ESCO1: variants seen among roughly 807,000 people sequenced by gnomAD.
ESCO1 encodes the protein establishment of sister chromatid cohesion N-acetyltransferase 1.
ESCO1 carries 33 observed loss-of-function variants against 83.5 expected under a neutral mutation model. The observed-to-expected ratio is 0.40, with a 90% confidence interval of 0.30 to 0.53. The LOEUF (loss-of-function observed/expected upper bound fraction) is 0.53. ESCO1 is among the 20% of genes least tolerant of loss of function. The pLI, the probability that ESCO1 is intolerant of heterozygous loss-of-function variation, is 0.63. For missense variants in ESCO1, 855 were observed against 968.0 expected (o/e 0.88, Z 1.55); for synonymous variants, 332 against 324.3 (o/e 1.02, Z -0.25).
rs1444294570 is a variant in ESCO1 at position 21,591,434 on chromosome 18, CTATA to C, written c.-824-6998_-824-6995del. 2.6e-5 allele frequency among the ~76,000 whole-genome samples: 4 copies of C among 152,274 alleles called. No homozygotes were observed. The East Asian group carries it at 5.8e-4, about 22-fold the overall frequency. The stretch of plus-strand genomic sequence containing the variant: ...AGGAAACTGGTCTCTCCTAAGCAGG[CTATA>C]TATATCACATCAAGAAGCCTACAGT... On this transcript the variant is annotated intron_variant, in intron 1 of 11. Coordinates refer to ENST00000269214, the MANE Select transcript of ESCO1 (RefSeq NM_052911.3).
intron 7 of ESCO1, among the ~76,000 whole-genome samples, chr18:21,562,819 G>A (rs1468258371): frequency 6.6e-6 from 1 of 150,934 alleles, no homozygotes; most frequent in Non-Finnish European, 1.5e-5. Flanking sequence ...AAATAATAAT[G>A]TATTCTGCAA....
chr18:21,579,794 GCACACACACACACACACACA>G (rs765904584), intron 2 of ESCO1, among the ~76,000 whole-genome samples: 23 of 37,166 alleles, frequency 6.2e-4, no homozygotes, highest in African/African-American at 9.2e-4. Flanking sequence ...ACGCGCGCGC[GCACACACACACACACACACA>G]CACACACACA....
At chr18:21,532,158 G>C (rs1442609708) in intron 11 of ESCO1, among the ~76,000 whole-genome samples, 1 of 152,088 alleles carries the variant, frequency 6.6e-6, no homozygotes, top group Non-Finnish European at 1.5e-5. Flanking sequence ...CATTTCTTTG[G>C]TTATATTTAA....
At position 21,573,624 on chromosome 18, in the gene ESCO1, A is replaced by G; in HGVS notation, c.1220T>C (p.Leu407Ser). 3.1e-6 allele frequency: 5 copies of G among 1,614,166 alleles called. No homozygotes were observed. Among genetic ancestry groups the G allele is most frequent in the Non-Finnish European group, 4.2e-6 (5 of 1,180,018 alleles). ...SKFNSVQHNK[L>S]DSQVSPKLGL... ...TAATTTAGGGGAAACTTGAGAGTCC[A>G]ACTTATTGTGCTGCACAGAGTTAAA... The change falls in exon 4 of 12, where the codon TTG becomes TCG. Residue 407 changes from leucine to serine, a missense_variant. By Grantham distance (145) the Leu-to-Ser change is moderately radical. This residue lies in a region of ESCO1 where 726 missense variants were observed against 699.5 expected (regional missense o/e 1.04). Transcript: ENST00000269214.
At chr18:21,556,437 G>T (rs952858722) in intron 8 of ESCO1, among the ~76,000 whole-genome samples, 3 of 152,120 alleles carry the variant, frequency 2.0e-5, no homozygotes, top group African/African-American at 7.2e-5. Context: ...TTAAGCAAGA[G>T]TTACTGGAAC....
intron 2 of ESCO1, among the ~76,000 whole-genome samples, chr18:21,582,023 G>T (rs2038509531): frequency 6.6e-6 from 1 of 151,956 alleles, no homozygotes; most frequent in Admixed American, 6.6e-5. Context: ...GGGAGATCAA[G>T]GCTTCAGTGA....
At position 21,575,507 on chromosome 18, in the gene ESCO1, C is replaced by A. The variant is rs963404680; in HGVS notation, c.-587-77G>T. The A allele has an allele frequency of 7.5e-6, 3 of 398,044 alleles. No homozygotes were observed. In the East Asian group the frequency reaches 1.1e-4, roughly 14 times the overall value. 24.7% of individuals were successfully genotyped at this position (398,044 alleles called of 1,614,324 possible). ...CAATGCTAATACTACACAGAAATAA[C>A]CTTGATTTAAGGAAAATCTAACTCC... On this transcript the variant is annotated intron_variant, in intron 3 of 11. Transcript: ENST00000269214.
intron 11 of ESCO1, among the ~76,000 whole-genome samples, chr18:21,530,842 G>C (rs2037758467): frequency 6.6e-6 from 1 of 152,154 alleles, no homozygotes; most frequent in Non-Finnish European, 1.5e-5. Flanking sequence ...TCAGGAATAA[G>C]AGAAGACTAC....
At position 21,540,160 on chromosome 18, in the gene ESCO1, G is replaced by T. The variant is rs1275310422; in HGVS notation, c.1954-151C>A. 4 of 720,704 alleles carry T rather than the reference G, an allele frequency of 5.6e-6. No homozygotes were observed. The South Asian group carries it at 7.2e-5, about 13-fold the overall frequency. The allele number at this position is 720,704 out of a possible 1,614,324, so 44.6% of individuals were successfully genotyped here. A position where few individuals can be genotyped will look rare whatever the true frequency, so the allele number is the denominator to read the frequency against. Reference sequence around the variant, plus strand: ...TATATGCTCATTAATGCTTAATAAAGCATGATAAATCGGCTATTTTGTTAA... The same window carrying T: ...TATATGCTCATTAATGCTTAATAAATCATGATAAATCGGCTATTTTGTTAA... On this transcript the variant is annotated intron_variant, in intron 8 of 11. Transcript: ENST00000269214.
intron 9 of ESCO1, among the ~76,000 whole-genome samples, chr18:21,537,005 C>G (rs933437495): frequency 6.6e-6 from 1 of 152,140 alleles, no homozygotes; most frequent in African/African-American, 2.4e-5. Context: ...GTTTATGGTT[C>G]TTCACTTTAC....
intron 10 of ESCO1, among the ~76,000 whole-genome samples, chr18:21,533,099 T>C (rs1394196518): frequency 6.6e-6 from 1 of 152,096 alleles, no homozygotes; most frequent in African/African-American, 2.4e-5. Context: ...GATTTCACAG[T>C]TGTACAAGAA....
At position 21,581,432 on chromosome 18, in the gene ESCO1, T is replaced by C. The variant is rs538875070; in HGVS notation, c.-694+2878A>G. 8.6e-5 allele frequency among the ~76,000 whole-genome samples: 13 copies of C among 151,920 alleles called. No homozygotes were observed. The South Asian group carries it at 1.0e-3, about 12-fold the overall frequency. On this transcript the variant is annotated intron_variant, in intron 2 of 11. Transcript: ENST00000269214. ...ATTTGTAGAGATTAACAGAACAAAA[T>C]AGACTCTAAAATAGGCCTGAAATAC...
In ESCO1 at chr18:21,530,260, A is replaced by C. The variant is rs2037749635; in HGVS notation, c.*83T>G. ...CAGTCCTGAGTTCATTGTAATAAAA[A>C]TGGCCCTAGTTCCTGGTTAAAGTCA... On this transcript the variant is annotated 3_prime_UTR_variant, in exon 12 of 12. Coordinates refer to ENST00000269214, the MANE Select transcript of ESCO1 (RefSeq NM_052911.3). The C allele has an allele frequency of 2.0e-5, 24 of 1,226,336 alleles. No homozygotes were observed. The highest frequency in any genetic ancestry group is 2.6e-5 in the Non-Finnish European group (24 of 924,066). 76.0% of individuals were successfully genotyped at this position (1,226,336 alleles called of 1,614,324 possible).
chr18:21,567,676 C>T (rs2038281173), intron 5 of ESCO1, among the ~76,000 whole-genome samples: 1 of 152,098 alleles, frequency 6.6e-6, no homozygotes, highest in Non-Finnish European at 1.5e-5. Flanking sequence ...TAAGCTGCTA[C>T]CACTATTTTA....
intron 4 of ESCO1, among the ~76,000 whole-genome samples, chr18:21,568,475 CCTT>C (rs556870896): frequency 7.9e-4 from 120 of 152,304 alleles, no homozygotes; most frequent in African/African-American, 2.4e-3. Flanking sequence ...TGGCTCTATA[CCTT>C]TTTTCCAAGT....
intron 8 of ESCO1, among the ~76,000 whole-genome samples, chr18:21,552,570 C>T (rs2038059692): frequency 1.3e-5 from 2 of 152,192 alleles, no homozygotes; most frequent in Non-Finnish European, 2.9e-5. Context: ...AACCTCTCTC[C>T]TTTATAAATT....
rs1196271813 is a variant in ESCO1, at chr18:21,573,947, T to C, written c.897A>G (p.Lys299=). ...CACAGAGCTGGAGAATACTACCTCG[T>C]TTGCTCTTTCCTGCTTGCTCCAGCT... ...DNELEQAGKS[K]RGSILQLCEE... Residue 299 remains lysine (K), a synonymous_variant, in exon 4 of 12, where the codon AAA becomes AAG. Coordinates refer to ENST00000269214, the MANE Select transcript of ESCO1 (RefSeq NM_052911.3). 1 of 1,613,918 alleles carries C rather than the reference T, an allele frequency of 6.2e-7. No homozygotes were observed. Among genetic ancestry groups the C allele is most frequent in the Non-Finnish European group, 8.5e-7 (1 of 1,180,028 alleles).
intron 8 of ESCO1, among the ~76,000 whole-genome samples, chr18:21,542,212 G>T (rs2037915920): frequency 6.6e-6 from 1 of 152,088 alleles, no homozygotes; most frequent in Non-Finnish European, 1.5e-5. Flanking sequence ...TTGAGACAGA[G>T]TCTCACTCTG....
In ESCO1 at chr18:21,573,753, C is replaced by A; in HGVS notation, c.1091G>T (p.Arg364Leu). Residue 364 changes from arginine (R) to leucine (L), a missense_variant, in exon 4 of 12, where the codon CGT becomes CTT. Transcript: ENST00000269214. Reference protein sequence around the residue: ...KETNQDVQCNRFFPSRKTKPV... With the variant: ...KETNQDVQCNLFFPSRKTKPV... Reference sequence around the variant, plus strand: ...CTTTGTTTTTCTACTTGGGAAAAAACGATTACATTGCACATCCTGATTTGT... The same window carrying A: ...CTTTGTTTTTCTACTTGGGAAAAAAAGATTACATTGCACATCCTGATTTGT... 6.2e-7 allele frequency: 1 copy of A among 1,614,142 alleles called. No individual in the cohort carries two copies. Among genetic ancestry groups the A allele is most frequent in the Non-Finnish European group, 8.5e-7 (1 of 1,180,012 alleles).
Sources: gnomAD v4.1 joint callset for allele counts (sites outside exome capture counted in the v4.1 genomes callset) on GRCh38, gnomAD v4.1.1 for gene constraint, gnomAD v4.1.1 regional missense constraint, MANE v1.5 for transcripts, NCBI Gene and HGNC (gene_info 2026-07-23, HGNC 2026-07-21) for gene names.